The following GARIN6 variants were observed in gnomAD, a reference collection of about 807,000 sequenced individuals.
GARIN6 encodes the protein Golgi-associated RAB2 interactor protein 6.
At chr12:99,649,534 G>C in the GARIN6 span, 3 of 663,814 alleles carry the variant, frequency 4.5e-6, no homozygotes, top group African/African-American at 5.4e-5. Context: ...AGGTACCATG[G>C]ATGTGGCTGC....
chr12:99,648,316 A>G, the GARIN6 span: 3 of 1,614,022 alleles, frequency 1.9e-6, no homozygotes, highest in African/African-American at 1.3e-5. Context: ...CATGTTTGAG[A>G]GCGACTTTAT....
the GARIN6 span, chr12:99,649,453 CATAAA>C: frequency 2.1e-6 from 3 of 1,404,698 alleles, no homozygotes; most frequent in Non-Finnish European, 3.0e-6. Context: ...CCCCTGCAGT[CATAAA>C]ACCTATAGTG....
chr12:99,649,494 A>C, the GARIN6 span: 53 of 935,614 alleles, frequency 5.7e-5, no homozygotes, highest in Non-Finnish European at 8.1e-5. Context: ...GGGTAGCAAC[A>C]GCAGTAGTGA....
chr12:99,648,870 C>T, the GARIN6 span: 14 of 1,479,846 alleles, frequency 9.5e-6, no homozygotes, highest in Non-Finnish European at 1.3e-5. Flanking sequence ...TTTGGTGCTG[C>T]AGCTCACCTG....
chr12:99,649,510 G>C, the GARIN6 span: 1 of 790,592 alleles, frequency 1.3e-6, no homozygotes, highest in Non-Finnish European at 2.1e-6. Flanking sequence ...AGTGATGACA[G>C]TAAGCACCAC....
At chr12:99,648,500 G>A in the GARIN6 span, 2 of 1,614,094 alleles carry the variant, frequency 1.2e-6, no homozygotes, top group South Asian at 1.1e-5. Context: ...AAAAGAGAAA[G>A]TCCGCCTGCA....
At chr12:99,648,951 A>G in the GARIN6 span, among the ~76,000 whole-genome samples, 1 of 152,130 alleles carries the variant, frequency 6.6e-6, no homozygotes, top group South Asian at 2.1e-4. Context: ...TACATTGAGG[A>G]GGTTCCTAGT....
the GARIN6 span, chr12:99,648,431 T>C: frequency 3.1e-6 from 5 of 1,614,032 alleles, no homozygotes; most frequent in African/African-American, 2.7e-5. Flanking sequence ...CCTGATGTCA[T>C]GCTGCTGGCC....
chr12:99,648,796 C>T, the GARIN6 span: 1 of 1,604,842 alleles, frequency 6.2e-7, no homozygotes, highest in Non-Finnish European at 8.5e-7. Flanking sequence ...AGTGGTGAGT[C>T]TATGCAGAGA....
chr12:99,648,909 A>C, the GARIN6 span: 1 of 1,348,878 alleles, frequency 7.4e-7, no homozygotes, highest in African/African-American at 1.5e-5. Context: ...GAAGGTCTGA[A>C]GGCCAAATGA....
chr12:99,649,253 G>C, the GARIN6 span: 6 of 1,482,668 alleles, frequency 4.0e-6, no homozygotes, highest in Admixed American at 1.7e-5. Flanking sequence ...GATCTTGCTG[G>C]TCTCACTGTC....
the GARIN6 span, chr12:99,648,673 G>A: frequency 1.2e-6 from 2 of 1,614,150 alleles, no homozygotes; most frequent in African/African-American, 2.7e-5. Flanking sequence ...TGTTCACTGG[G>A]AAAACCTTGT....
At chr12:99,648,167 A>AT in the GARIN6 span, 1 of 1,592,190 alleles carries the variant, frequency 6.3e-7, no homozygotes, top group Non-Finnish European at 8.6e-7. Context: ...CTTGATTTAA[A>AT]GGAAGACATG....
At chr12:99,647,894 C>T in the GARIN6 span, 2 of 417,280 alleles carry the variant, frequency 4.8e-6, no homozygotes, top group Non-Finnish European at 4.3e-6. Flanking sequence ...ACCTGTGTGC[C>T]CGGACATCCA....
chr12:99,649,175 C>A, the GARIN6 span: 1 of 833,726 alleles, frequency 1.2e-6, no homozygotes. Flanking sequence ...ACATTGGTGG[C>A]AACACAACAT....
At chr12:99,648,300 T>C in the GARIN6 span, 4 of 1,614,196 alleles carry the variant, frequency 2.5e-6, no homozygotes, top group East Asian at 4.5e-5. Context: ...TATTCAGGTA[T>C]GCACCCATGT....
At chr12:99,648,873 C>T in the GARIN6 span, 5 of 1,472,578 alleles carry the variant, frequency 3.4e-6, no homozygotes, top group Non-Finnish European at 3.6e-6. Flanking sequence ...GGTGCTGCAG[C>T]TCACCTGGGA....
the GARIN6 span, chr12:99,647,998 T>C: frequency 6.3e-6 from 5 of 795,818 alleles, no homozygotes; most frequent in African/African-American, 8.7e-5. Context: ...CATTGAGCGG[T>C]TGGTAATCAA....
At chr12:99,648,104 G>A in the GARIN6 span, 1 of 1,541,366 alleles carries the variant, frequency 6.5e-7, no homozygotes, top group Non-Finnish European at 8.7e-7. Context: ...CAAGGAAACA[G>A]GATGCCCGCT....
Sources: gnomAD v4.1 joint callset for allele counts (sites outside exome capture counted in the v4.1 genomes callset) on GRCh38, gnomAD v4.1.1 for gene constraint, MANE v1.5 for transcripts, NCBI Gene and HGNC (gene_info 2026-07-23, HGNC 2026-07-21) for gene names.